The following ERG variants were observed in gnomAD, a reference collection of about 807,000 sequenced individuals.
The protein encoded by ERG is transcriptional regulator ERG.
ERG carries 9 observed loss-of-function variants against 55.3 expected under a neutral mutation model. That is an observed-to-expected ratio of 0.16 (90% confidence interval 0.10 to 0.28). ERG has a LOEUF of 0.28. Ranked by LOEUF, ERG falls within the 10% of genes least tolerant of loss-of-function variation. The pLI is 1.00. For missense variants in ERG, 434 were observed against 631.6 expected (o/e 0.69, Z 3.35); for synonymous variants, 223 against 237.3 (o/e 0.94, Z 0.55).
intron 2 of ERG, among the ~76,000 whole-genome samples, chr21:38,434,081 A>C (rs1487790757): frequency 6.6e-6 from 1 of 152,082 alleles, no homozygotes; most frequent in East Asian, 1.9e-4. Context: ...AACCCCCATC[A>C]TGGCCCAGAG....
intron 1 of ERG, among the ~76,000 whole-genome samples, chr21:38,647,989 T>G (rs1275778404): frequency 6.6e-6 from 1 of 152,254 alleles, no homozygotes; most frequent in Non-Finnish European, 1.5e-5. Context: ...AACTAAAGAT[T>G]TCTCAGGACA....
chr21:38,515,050 C>A (rs531756607), intron 2 of ERG, among the ~76,000 whole-genome samples: 1 of 151,920 alleles, frequency 6.6e-6, no homozygotes, highest in African/African-American at 2.4e-5. Flanking sequence ...AGAACCTCTA[C>A]ACCAAAAACT....
intron 3 of ERG, among the ~76,000 whole-genome samples, chr21:38,413,707 T>C (rs1031677713): frequency 1.2e-4 from 17 of 146,458 alleles, no homozygotes; most frequent in African/African-American, 4.0e-4. Flanking sequence ...ATGATCGTTA[T>C]TGTTCTTTGT....
chr21:38,496,026 A>G (rs1322426890), intron 1 of ERG, among the ~76,000 whole-genome samples: 1 of 152,236 alleles, frequency 6.6e-6, no homozygotes, highest in Non-Finnish European at 1.5e-5. Flanking sequence ...AGACACTTAG[A>G]GATAAATGAA....
chr21:38,656,771 T>G (rs2060521711), intron 1 of ERG, among the ~76,000 whole-genome samples: 1 of 152,236 alleles, frequency 6.6e-6, no homozygotes, highest in East Asian at 1.9e-4. Context: ...CACTTTCAAA[T>G]GAACATGTGG....
intron 2 of ERG, among the ~76,000 whole-genome samples, chr21:38,528,823 A>G (rs975710276): frequency 1.3e-5 from 2 of 152,184 alleles, no homozygotes; most frequent in Non-Finnish European, 2.9e-5. Context: ...TTCTGGCAAG[A>G]TTTAGCCAGT....
intron 1 of ERG, among the ~76,000 whole-genome samples, chr21:38,578,957 C>T (rs1460681058): frequency 2.0e-5 from 3 of 152,178 alleles, no homozygotes; most frequent in Non-Finnish European, 2.9e-5. Context: ...TCAAAGGAAG[C>T]CACTTCATCC....
chr21:38,408,959 G>A (rs2146470006), intron 3 of ERG, among the ~76,000 whole-genome samples: 1 of 152,238 alleles, frequency 6.6e-6, no homozygotes, highest in Middle Eastern at 3.4e-3. Flanking sequence ...TTTATAACTG[G>A]ACCTCATTTT....
At chr21:38,592,313 G>A (rs766277579) in intron 1 of ERG, among the ~76,000 whole-genome samples, 105 of 152,236 alleles carry the variant, frequency 6.9e-4, no homozygotes, top group Non-Finnish European at 1.2e-3. Context: ...ATGGGCTCCA[G>A]AAGCCAAAGA....
At position 38,467,128 on chromosome 21, in the gene ERG, A is replaced by G. The variant is rs75252696; in HGVS notation, c.19-21507T>C. 4.7e-3 allele frequency among the ~76,000 whole-genome samples: 717 copies of G among 152,276 alleles called. 11 individuals are homozygous for G. Among genetic ancestry groups the G allele is most frequent in the African/African-American group, 0.016 (679 of 41,566 alleles). On this transcript the variant is annotated intron_variant, in intron 1 of 9. Coordinates refer to ENST00000288319, the MANE Select transcript of ERG (RefSeq NM_182918.4). ...GGGTTAAAGACTTGGTTTTTTATCT[A>G]TATGAGGTCCTACCTTGTAGTTCAA...
intron 1 of ERG, among the ~76,000 whole-genome samples, chr21:38,638,844 G>A (rs2060406308): frequency 6.6e-6 from 1 of 152,170 alleles, no homozygotes; most frequent in Admixed American, 6.5e-5. Context: ...CCTGCAGCCA[G>A]GTAACCATCC....
At chr21:38,580,923 C>T (rs1338232027) in intron 1 of ERG, among the ~76,000 whole-genome samples, 2 of 152,216 alleles carry the variant, frequency 1.3e-5, no homozygotes, top group African/African-American at 2.4e-5. Context: ...CTCCTCTCTT[C>T]TCAAACCCAA....
intron 2 of ERG, among the ~76,000 whole-genome samples, chr21:38,523,708 T>G (rs756368302): frequency 2.0e-4 from 30 of 152,234 alleles, no homozygotes; most frequent in Non-Finnish European, 4.1e-4. Flanking sequence ...TTCAATGTTA[T>G]TTCATATGAA....
intron 2 of ERG, among the ~76,000 whole-genome samples, chr21:38,441,915 C>T (rs1182702962): frequency 6.6e-6 from 1 of 152,196 alleles, no homozygotes; most frequent in Non-Finnish European, 1.5e-5. Flanking sequence ...ACCGACATCA[C>T]CGAACCCACC....
At chr21:38,402,757 G>A (rs57386681) in intron 4 of ERG, 120 bp from the exon 5 acceptor site, 8,394 of 677,120 alleles carry the variant, frequency 0.012, 426 homozygotes, top group East Asian at 0.11. Context: ...AAAGAAAACC[G>A]TTCCCCCACT....
intron 1 of ERG, among the ~76,000 whole-genome samples, chr21:38,613,995 T>G (rs990100800): frequency 6.6e-6 from 1 of 152,164 alleles, no homozygotes; most frequent in Non-Finnish European, 1.5e-5. Flanking sequence ...ACCATGGGCT[T>G]CTAGAGCTGC....
At chr21:38,400,489 T>C (rs1988435551) in intron 6 of ERG, 85 bp downstream of exon 6, 2 of 1,055,334 alleles carry the variant, frequency 1.9e-6, no homozygotes, top group South Asian at 2.5e-5. Context: ...CAGCTCTCTT[T>C]GTATCACGTG....
chr21:38,547,141 T>C (rs1027656990), intron 2 of ERG, among the ~76,000 whole-genome samples: 1 of 152,202 alleles, frequency 6.6e-6, no homozygotes, highest in African/African-American at 2.4e-5. Flanking sequence ...TGGTCTGCCC[T>C]AGATAACTTC....
chr21:38,473,751 A>G (rs1197228313), intron 1 of ERG, among the ~76,000 whole-genome samples: 2 of 152,008 alleles, frequency 1.3e-5, no homozygotes, highest in African/African-American at 4.8e-5. Flanking sequence ...TTTTATCTAT[A>G]TAAAGTGTGT....
Sources: gnomAD v4.1 joint callset for allele counts (sites outside exome capture counted in the v4.1 genomes callset) on GRCh38, gnomAD v4.1.1 for gene constraint, MANE v1.5 for transcripts, NCBI Gene and HGNC (gene_info 2026-07-23, HGNC 2026-07-21) for gene names.